RHBDL3: variants seen among roughly 807,000 people sequenced by gnomAD.
The protein encoded by RHBDL3 is rhomboid-related protein 3.
In RHBDL3, 28 loss-of-function variants were observed where a neutral mutation model predicts 48.2. That is an observed-to-expected ratio of 0.58 (90% CI 0.43 to 0.80). RHBDL3 has a LOEUF of 0.80. Among genes scored for constraint, RHBDL3 ranks in the 30% least tolerant of loss-of-function variants. The pLI is 0.00. For missense variants in RHBDL3, 464 were observed against 542.7 expected (o/e 0.85, Z 1.44); for synonymous variants, 208 against 232.3 (o/e 0.90, Z 0.95).
intron 2 of RHBDL3, 105 bp downstream of exon 2, chr17:32,268,030 A>G: frequency 1.1e-6 from 1 of 872,978 alleles, no homozygotes. Flanking sequence ...TGAGATGGTG[A>G]CGTGGGGTGG....
intron 2 of RHBDL3, among the ~76,000 whole-genome samples, chr17:32,275,621 G>A (rs1028204724): frequency 1.1e-4 from 16 of 151,998 alleles, no homozygotes; most frequent in Admixed American, 2.6e-4. Flanking sequence ...GAAGCATGCC[G>A]ATTGTCAAGG....
At position 32,320,104 on chromosome 17, in the gene RHBDL3, C is replaced by CA. The variant is rs879854098; in HGVS notation, c.944-843dup. ...GCAACATAGTAAGACCTCATCTCTA[C>CA]AAAAAAAAAAATTTTTTTTTTAATT... On this transcript the variant is annotated intron_variant, in intron 8 of 8. Transcript: ENST00000269051. 6.8e-3 allele frequency among the ~76,000 whole-genome samples: 1,007 copies of CA among 147,198 alleles called. 9 individuals are homozygous for CA. Among genetic ancestry groups the CA allele is most frequent in the Non-Finnish European group, 9.6e-3 (640 of 66,616 alleles).
intron 2 of RHBDL3, among the ~76,000 whole-genome samples, chr17:32,274,026 G>A (rs2039836705): frequency 1.3e-5 from 2 of 152,222 alleles, no homozygotes; most frequent in Admixed American, 6.5e-5. Flanking sequence ...GTGAGCCACC[G>A]TGCCTGGCCA....
Position 32,321,076 on chromosome 17 carries a change from C to A in RHBDL3, c.1062C>A (p.Gly354=). The change falls in exon 9 of 9, where the codon GGC becomes GGA. Residue 354 remains glycine (G), a synonymous_variant. Coordinates refer to ENST00000269051, the MANE Select transcript of RHBDL3 (RefSeq NM_138328.3). ...GCGTGGCCGTGGGCATCACCCTGGGCGTGGTGGTCCTGAGGAACTACGAGC... is the reference window on the plus strand; with the variant it reads ...GCGTGGCCGTGGGCATCACCCTGGGAGTGGTGGTCCTGAGGAACTACGAGC... ...LGGVAVGITL[G]VVVLRNYEQR... is the part of the protein sequence containing the mutation. 1 of 1,614,214 alleles carries A rather than the reference C, an allele frequency of 6.2e-7. No homozygotes were observed. Among genetic ancestry groups the A allele is most frequent in the Non-Finnish European group, 8.5e-7 (1 of 1,180,014 alleles).
At chr17:32,275,079 G>C (rs1260667440) in intron 2 of RHBDL3, among the ~76,000 whole-genome samples, 1 of 152,178 alleles carries the variant, frequency 6.6e-6, no homozygotes, top group African/African-American at 2.4e-5. Flanking sequence ...GGACCAGAGA[G>C]ACCCTTTGGT....
intron 7 of RHBDL3, among the ~76,000 whole-genome samples, chr17:32,308,327 A>T (rs1307175720): frequency 2.0e-5 from 3 of 152,184 alleles, no homozygotes; most frequent in African/African-American, 7.2e-5. Flanking sequence ...TCACACCTGT[A>T]ATCCCAGCAC....
chr17:32,274,271 G>A (rs963787871), intron 2 of RHBDL3, among the ~76,000 whole-genome samples: 1 of 152,284 alleles, frequency 6.6e-6, no homozygotes. Context: ...CCTCTGTCTG[G>A]TGTTCTGATC....
chr17:32,293,173 A>AGGAGGG (rs1555588315), intron 4 of RHBDL3, among the ~76,000 whole-genome samples: 1 of 102,504 alleles, frequency 9.8e-6, no homozygotes, highest in Non-Finnish European at 2.2e-5. Flanking sequence ...GGCTGGAGGG[A>AGGAGGG]GGGGGTGGGG....
chr17:32,282,969 C>T (rs1184924284), intron 2 of RHBDL3, among the ~76,000 whole-genome samples: 1 of 152,164 alleles, frequency 6.6e-6, no homozygotes, highest in African/African-American at 2.4e-5. Flanking sequence ...CTGACTGTTG[C>T]TCTTTGATTT....
intron 7 of RHBDL3, among the ~76,000 whole-genome samples, chr17:32,306,191 A>G (rs1791518869): frequency 6.6e-6 from 1 of 152,094 alleles, no homozygotes; most frequent in South Asian, 2.1e-4. Context: ...TGGGAGGCCA[A>G]GGCAGGCGGA....
intron 5 of RHBDL3, 35 bp downstream of exon 5, chr17:32,294,477 C>T: frequency 6.3e-7 from 1 of 1,578,706 alleles, no homozygotes; most frequent in Non-Finnish European, 8.6e-7. Context: ...TGTCAAAAGA[C>T]CCTACAGAAA....
chr17:32,266,388 G>A, intron 1 of RHBDL3, 88 bp downstream of exon 1: 1 of 666,284 alleles, frequency 1.5e-6, no homozygotes, highest in South Asian at 2.3e-5. Flanking sequence ...GGGCAACTTG[G>A]AGGTTTCAGG....
chr17:32,311,464 G>C (rs1053417599), intron 7 of RHBDL3, among the ~76,000 whole-genome samples: 1 of 152,216 alleles, frequency 6.6e-6, no homozygotes, highest in African/African-American at 2.4e-5. Flanking sequence ...GGGACAGACG[G>C]CCCAGGCACA....
Position 32,298,221 on chromosome 17 carries a change from C to A in RHBDL3, c.781+17C>A. The A allele has an allele frequency of 6.4e-7, 1 of 1,564,576 alleles. No homozygotes were observed. Among genetic ancestry groups the A allele is most frequent in the Non-Finnish European group, 8.8e-7 (1 of 1,136,122 alleles). On this transcript the variant is annotated intron_variant, in intron 6 of 8. Coordinates refer to ENST00000269051, the MANE Select transcript of RHBDL3 (RefSeq NM_138328.3). ...TTGTGGCAGGTAGGCAGGTAGGCCC[C>A]GTGTCCACAAAGGCACACTGCCCCA...
chr17:32,321,367 T>C lies in RHBDL3; in HGVS notation c.*138T>C. Reference sequence around the variant, plus strand: ...ACTCTGGGCCACTGTAATGTTTGTGTTTAGATTTGGACACACAGTGGAGAC... The same window carrying C: ...ACTCTGGGCCACTGTAATGTTTGTGCTTAGATTTGGACACACAGTGGAGAC... On this transcript the variant is annotated 3_prime_UTR_variant, in exon 9 of 9. Transcript: ENST00000269051. 6.5e-7 allele frequency: 1 copy of C among 1,541,242 alleles called. No homozygotes were observed. Among genetic ancestry groups the C allele is most frequent in the African/African-American group, 1.4e-5 (1 of 73,260 alleles).
chr17:32,296,242 CAAA>C (rs61503250), intron 5 of RHBDL3, among the ~76,000 whole-genome samples: 11 of 90,566 alleles, frequency 1.2e-4, no homozygotes, highest in Admixed American at 4.2e-4. Context: ...GACTCCATCT[CAAA>C]AAAAAAAAAA....
At position 32,269,680 on chromosome 17, in the gene RHBDL3, A is replaced by G. The variant is rs567924967; in HGVS notation, c.135+1755A>G. Among the ~76,000 whole-genome samples, 3 of 152,324 alleles carry G rather than the reference A, an allele frequency of 2.0e-5. No individual in the cohort carries two copies. In the South Asian group the frequency reaches 6.2e-4, roughly 32 times the overall value. On this transcript the variant is annotated intron_variant, in intron 2 of 8. Coordinates refer to ENST00000269051, the MANE Select transcript of RHBDL3 (RefSeq NM_138328.3). ...AGCCCGCTGCGCCACTGCCACCACT[A>G]CCACCAAGCTGCCAGCCCTTCACAC...
intron 2 of RHBDL3, among the ~76,000 whole-genome samples, chr17:32,270,881 T>C (rs571795166): frequency 1.3e-5 from 2 of 152,228 alleles, no homozygotes; most frequent in Non-Finnish European, 2.9e-5. Flanking sequence ...TAGTCTGTTG[T>C]TATAGTATAA....
At chr17:32,283,743 A>C (rs2040126116) in intron 2 of RHBDL3, among the ~76,000 whole-genome samples, 1 of 152,196 alleles carries the variant, frequency 6.6e-6, no homozygotes, top group African/African-American at 2.4e-5. Context: ...TGATAATGCC[A>C]GGCTCTGTGC....
Sources: gnomAD v4.1 joint callset for allele counts (sites outside exome capture counted in the v4.1 genomes callset) on GRCh38, gnomAD v4.1.1 for gene constraint, MANE v1.5 for transcripts, NCBI Gene and HGNC (gene_info 2026-07-23, HGNC 2026-07-21) for gene names.